CWF19L2: variants seen among roughly 807,000 people sequenced by gnomAD.
The protein encoded by CWF19L2 is CWF19 like cell cycle control factor 2.
A neutral mutation model predicts 111.7 loss-of-function variants in CWF19L2; 98 were observed. The observed-to-expected ratio is 0.88, with a 90% CI of 0.75 to 1.04. The LOEUF (loss-of-function observed/expected upper bound fraction) is 1.04, where lower values mean the gene tolerates loss of function less well. CWF19L2 is among the 50% of genes least tolerant of loss of function. CWF19L2 has a pLI of 0.00. For missense variants in CWF19L2, 1,101 were observed against 1,051.4 expected (o/e 1.05, Z -0.65); for synonymous variants, 351 against 342.9 (o/e 1.02, Z -0.26).
intron 12 of CWF19L2, among the ~76,000 whole-genome samples, chr11:107,378,536 G>C (rs566136919): frequency 6.6e-6 from 1 of 152,058 alleles, no homozygotes; most frequent in African/African-American, 2.4e-5. Context: ...CAAACACCGC[G>C]TATTCTCACG....
At chr11:107,345,239 C>T (rs1591153188) in intron 14 of CWF19L2, among the ~76,000 whole-genome samples, 1 of 81,464 alleles carries the variant, frequency 1.2e-5, no homozygotes, top group Admixed American at 1.3e-4. Flanking sequence ...TTTATTGTTA[C>T]TTACTTCAAT....
At chr11:107,354,881 T>A (rs546121115) in intron 12 of CWF19L2, among the ~76,000 whole-genome samples, 35 of 152,314 alleles carry the variant, frequency 2.3e-4, no homozygotes, top group African/African-American at 7.5e-4. Flanking sequence ...ATTCTACTCA[T>A]TTTTCAATAC....
Position 107,455,680 on chromosome 11 carries a change from C to A in CWF19L2, c.202G>T (p.Glu68Ter). The change falls in exon 2 of 18, where the codon GAA (glutamate) becomes TAA (stop). Residue 68 changes from glutamate to a stop codon, truncating the protein, a stop_gained. Coordinates refer to ENST00000282251, the MANE Select transcript of CWF19L2 (RefSeq NM_152434.3). LOFTEE classifies it high-confidence loss of function. Reference sequence around the variant, plus strand: ...TTAGTATTCACCTGTGAGAACTGTTCAATTCTCTCATTCACATCAGGTAGC... The same window carrying A: ...TTAGTATTCACCTGTGAGAACTGTTAAATTCTCTCATTCACATCAGGTAGC... The part of the protein sequence containing the change: ...WMLPDVNERI[E>*]QFSQEHSVKK... The A allele has an allele frequency of 1.3e-6, 2 of 1,547,274 alleles. No homozygotes were observed. Among genetic ancestry groups the A allele is most frequent in the Non-Finnish European group, 1.7e-6 (2 of 1,143,578 alleles).
At position 107,372,689 on chromosome 11, in the gene CWF19L2, G is replaced by A. The variant is rs1474768119; in HGVS notation, c.1872+17385C>T. Reference sequence around the variant, plus strand: ...TAAGAGTTAAGAAAGAAGTGAAAGAGGATAAGAAGGAATGCTAGAAAACTA... The same window carrying A: ...TAAGAGTTAAGAAAGAAGTGAAAGAAGATAAGAAGGAATGCTAGAAAACTA... On this transcript the variant is annotated intron_variant, in intron 12 of 17. Coordinates refer to ENST00000282251, the MANE Select transcript of CWF19L2 (RefSeq NM_152434.3). Among the ~76,000 whole-genome samples, 3 of 135,988 alleles carry A rather than the reference G, an allele frequency of 2.2e-5. 1 individual carries two copies. The highest frequency in any genetic ancestry group is 2.2e-4 in the Admixed American group (3 of 13,952). 89.2% of individuals were successfully genotyped at this position (135,988 alleles called of 152,430 possible).
rs575542509 is a variant in CWF19L2 at position 107,367,907 on chromosome 11, G to C, written c.1873-14171C>G. On this transcript the variant is annotated intron_variant, in intron 12 of 17. Coordinates refer to ENST00000282251, the MANE Select transcript of CWF19L2 (RefSeq NM_152434.3). The stretch of plus-strand genomic sequence containing the variant: ...CTTTACTGAATTTTTTTAAACAAAT[G>C]AAACTGCAAATACAGCATACCCAAA... 5.1e-4 allele frequency among the ~76,000 whole-genome samples: 70 copies of C among 137,294 alleles called. 17 individuals carry two copies. Among genetic ancestry groups the C allele is most frequent in the African/African-American group, 2.0e-3 (68 of 34,502 alleles). 90.1% of individuals were successfully genotyped at this position (137,294 alleles called of 152,430 possible).
chr11:107,355,938 A>T lies in CWF19L2; in HGVS notation c.1873-2202T>A, dbSNP rs112805006. Among the ~76,000 whole-genome samples the T allele has an allele frequency of 3.8e-3, 577 of 152,328 alleles. 1 individual carries two copies. Among genetic ancestry groups the T allele is most frequent in the African/African-American group, 0.012 (518 of 41,554 alleles). On this transcript the variant is annotated intron_variant, in intron 12 of 17. Transcript: ENST00000282251. ...ACAGCGCAAAATATACGTTCTTCTC[A>T]ATTGTACATGGAATATCAACCAAGC...
At chr11:107,348,423 A>T (rs1860111708) in intron 14 of CWF19L2, among the ~76,000 whole-genome samples, 1 of 152,150 alleles carries the variant, frequency 6.6e-6, no homozygotes, top group Non-Finnish European at 1.5e-5. Flanking sequence ...AAATCCCTGA[A>T]TCCAAAAGCT....
chr11:107,389,176 A>G (rs866576668), intron 12 of CWF19L2, among the ~76,000 whole-genome samples: 5 of 152,224 alleles, frequency 3.3e-5, no homozygotes, highest in African/African-American at 1.2e-4. Flanking sequence ...TCCCTTGCCT[A>G]TATCTCAGTG....
intron 14 of CWF19L2, among the ~76,000 whole-genome samples, chr11:107,337,175 G>A (rs1369742109): frequency 6.6e-6 from 1 of 152,182 alleles, no homozygotes; most frequent in Non-Finnish European, 1.5e-5. Context: ...GGTTCCCTAT[G>A]TCTGCTGACC....
Position 107,428,829 on chromosome 11 carries a change from T to A in CWF19L2, c.1403A>T (p.His468Leu). Reference protein sequence around the residue: ...VLRDDPPKKEHLRDTKSTFAG... With the variant: ...VLRDDPPKKELLRDTKSTFAG... ...AAATGTAGACTTTGTATCCCGTAGATGTTCTTTTTTTGGAGGGTCATCTCT... is the reference window on the plus strand; with the variant it reads ...AAATGTAGACTTTGTATCCCGTAGAAGTTCTTTTTTTGGAGGGTCATCTCT... The change falls in exon 8 of 18, where the codon CAT becomes CTT. Residue 468 changes from histidine (H) to leucine (L), a missense_variant. His to Leu is a moderately conservative substitution (Grantham distance 99). Coordinates refer to ENST00000282251, the MANE Select transcript of CWF19L2 (RefSeq NM_152434.3). 6.2e-7 allele frequency: 1 copy of A among 1,611,980 alleles called. No homozygotes were observed. The highest frequency in any genetic ancestry group is 2.2e-5 in the East Asian group (1 of 44,868).
At chr11:107,368,842 T>C (rs1404827374) in intron 12 of CWF19L2, among the ~76,000 whole-genome samples, 1 of 138,274 alleles carries the variant, frequency 7.2e-6, no homozygotes, top group East Asian at 2.1e-4. Context: ...CAATAATTAC[T>C]GTGATAATAA....
intron 10 of CWF19L2, among the ~76,000 whole-genome samples, chr11:107,411,119 T>A (rs549784111): frequency 1.3e-4 from 18 of 135,620 alleles, no homozygotes; most frequent in Middle Eastern, 3.6e-3. Context: ...ACACACACAC[T>A]ATCATAAAAC....
chr11:107,389,273 G>A (rs915302206), intron 12 of CWF19L2, among the ~76,000 whole-genome samples: 1 of 152,164 alleles, frequency 6.6e-6, no homozygotes, highest in Non-Finnish European at 1.5e-5. Flanking sequence ...AAGCCACACA[G>A]AAAATATTTG....
Position 107,371,590 on chromosome 11 carries a change from C to G in CWF19L2, c.1873-17854G>C, listed in dbSNP as rs893843440. Among the ~76,000 whole-genome samples, 12 of 137,030 alleles carry G rather than the reference C, an allele frequency of 8.8e-5. 3 individuals are homozygous for G. The highest frequency in any genetic ancestry group is 2.6e-4 in the African/African-American group (9 of 34,182). The allele number at this position is 137,030 out of a possible 152,430, so 89.9% of individuals were successfully genotyped here. Reference sequence around the variant, plus strand: ...CATGCCATTTGTTAAACATGAGGTTCTAGTTATACACTAAAATATACTGAA... The same window carrying G: ...CATGCCATTTGTTAAACATGAGGTTGTAGTTATACACTAAAATATACTGAA... On this transcript the variant is annotated intron_variant, in intron 12 of 17. Coordinates refer to ENST00000282251, the MANE Select transcript of CWF19L2 (RefSeq NM_152434.3).
intron 12 of CWF19L2, among the ~76,000 whole-genome samples, chr11:107,361,466 T>C (rs555197821): frequency 3.9e-5 from 6 of 152,210 alleles, no homozygotes; most frequent in Non-Finnish European, 8.8e-5. Context: ...AGGCTCTTTT[T>C]TGGTTCCATA....
chr11:107,371,015 T>C (rs1169681512), intron 12 of CWF19L2, among the ~76,000 whole-genome samples: 1 of 121,410 alleles, frequency 8.2e-6, no homozygotes, highest in Non-Finnish European at 1.7e-5. Context: ...AGTTTCTCTT[T>C]TTTTTTTTTT....
chr11:107,417,404 C>G (rs1169251176), intron 9 of CWF19L2, among the ~76,000 whole-genome samples: 3 of 152,160 alleles, frequency 2.0e-5, no homozygotes, highest in Admixed American at 6.5e-5. Context: ...TCAAACATTA[C>G]TACAGGAATT....
chr11:107,385,767 G>A (rs1695793822), intron 12 of CWF19L2, among the ~76,000 whole-genome samples: 1 of 152,196 alleles, frequency 6.6e-6, no homozygotes, highest in Admixed American at 6.5e-5. Flanking sequence ...ATCCCCCCCA[G>A]GGGACATGAA....
At chr11:107,441,419 C>T in intron 5 of CWF19L2, 84 bp downstream of exon 5, 2 of 1,145,856 alleles carry the variant, frequency 1.7e-6, no homozygotes, top group Non-Finnish European at 2.3e-6. Context: ...TGGTATTTTA[C>T]AAGTTAAACT....
Sources: gnomAD v4.1 joint callset for allele counts (sites outside exome capture counted in the v4.1 genomes callset) on GRCh38, gnomAD v4.1.1 for gene constraint, MANE v1.5 for transcripts, NCBI Gene and HGNC (gene_info 2026-07-23, HGNC 2026-07-21) for gene names.